The following EPB41L2 variants were observed in gnomAD, a reference collection of about 807,000 sequenced individuals.
EPB41L2 encodes the protein erythrocyte membrane protein band 4.1 like 2.
In EPB41L2, 43 loss-of-function variants were observed where a neutral mutation model predicts 113.0. The observed-to-expected ratio is 0.38, with a 90% confidence interval of 0.30 to 0.49. EPB41L2 has a LOEUF of 0.49. Ranked by LOEUF, EPB41L2 falls within the 20% of genes least tolerant of loss-of-function variation. The probability of loss-of-function intolerance (pLI) is 0.95; values close to 1 mark genes in which losing one functional copy is unlikely to be tolerated. For missense variants in EPB41L2, 1,147 were observed against 1,223.4 expected, an observed-to-expected ratio of 0.94 and a Z score of 0.93; for synonymous variants, 442 against 436.7, an observed-to-expected ratio of 1.01 and a Z score of -0.15.
At chr6:130,952,990 T>C (rs1458752784) in intron 3 of EPB41L2, among the ~76,000 whole-genome samples, 1 of 150,006 alleles carries the variant, frequency 6.7e-6, no homozygotes, top group African/African-American at 2.5e-5. Flanking sequence ...GTCAGTCTTG[T>C]GGTTTAGTGA....
At position 130,904,125 on chromosome 6, in the gene EPB41L2, CAT is replaced by C. The variant is rs529212438; in HGVS notation, c.929+338_929+339del. On this transcript the variant is annotated intron_variant, in intron 6 of 19. Coordinates refer to ENST00000337057, the MANE Select transcript of EPB41L2 (RefSeq NM_001431.4). ...AATATGAGACTAGTATATAAGCACA[CAT>C]GAGTTATATACAATAAAAATGACCT... Among the ~76,000 whole-genome samples, 54 of 152,228 alleles carry C rather than the reference CAT, an allele frequency of 3.5e-4. No individual in the cohort carries two copies. In the East Asian group the frequency reaches 7.9e-3, roughly 22 times the overall value.
intron 1 of EPB41L2, among the ~76,000 whole-genome samples, chr6:131,052,778 G>C (rs1450715103): frequency 6.6e-6 from 1 of 152,104 alleles, no homozygotes; most frequent in Non-Finnish European, 1.5e-5. Flanking sequence ...CAAGAAACAG[G>C]AGTAAGCAGA....
intron 11 of EPB41L2, among the ~76,000 whole-genome samples, chr6:130,886,556 C>T (rs764682287): frequency 2.0e-5 from 3 of 152,090 alleles, no homozygotes; most frequent in Admixed American, 6.6e-5. Context: ...ATGCCCATAT[C>T]AAATCATAGT....
At chr6:130,872,627 A>C (rs1786127709) in intron 14 of EPB41L2, 2 of 861,886 alleles carry the variant, frequency 2.3e-6, no homozygotes, top group Non-Finnish European at 3.1e-6. Flanking sequence ...AAGGTTACAC[A>C]AGAAAGAACA....
intron 3 of EPB41L2, among the ~76,000 whole-genome samples, chr6:130,940,316 T>A (rs913769546): frequency 8.5e-5 from 13 of 152,204 alleles, no homozygotes; most frequent in African/African-American, 2.9e-4. Flanking sequence ...ACATTTTTTT[T>A]ATGTCATCCT....
chr6:130,899,604 T>C (rs1024444639), intron 7 of EPB41L2, 26 bp from the exon 8 acceptor site: 9 of 1,590,410 alleles, frequency 5.7e-6, no homozygotes, highest in Non-Finnish European at 7.8e-6. Context: ...AACAGTATTA[T>C]CTTATTAATG....
At chr6:130,859,155 C>T (rs1017088555) in intron 18 of EPB41L2, among the ~76,000 whole-genome samples, 1 of 152,134 alleles carries the variant, frequency 6.6e-6, no homozygotes, top group East Asian at 1.9e-4. Context: ...AATAGCTTTC[C>T]TAATTATTAC....
intron 1 of EPB41L2, among the ~76,000 whole-genome samples, chr6:131,048,476 T>C (rs535950423): frequency 6.6e-6 from 1 of 152,240 alleles, no homozygotes; most frequent in Non-Finnish European, 1.5e-5. Flanking sequence ...AAATGATCTA[T>C]TTTCTGTTAT....
chr6:131,050,454 T>C (rs1052338411), intron 1 of EPB41L2, among the ~76,000 whole-genome samples: 3 of 152,218 alleles, frequency 2.0e-5, no homozygotes, highest in Non-Finnish European at 4.4e-5. Flanking sequence ...TTTGAATGTC[T>C]AAATCTCTAA....
At chr6:131,031,386 A>G (rs903191736) in intron 1 of EPB41L2, among the ~76,000 whole-genome samples, 1 of 152,196 alleles carries the variant, frequency 6.6e-6, no homozygotes, top group Non-Finnish European at 1.5e-5. Flanking sequence ...AGAGTACCAA[A>G]AAAGGCTCCA....
intron 9 of EPB41L2, among the ~76,000 whole-genome samples, chr6:130,894,665 A>G (rs1000487815): frequency 3.9e-5 from 6 of 152,194 alleles, no homozygotes; most frequent in African/African-American, 9.6e-5. Flanking sequence ...CTATCCTTCA[A>G]TGTTCACTAA....
chr6:131,007,072 C>G (rs1017416638), intron 1 of EPB41L2, among the ~76,000 whole-genome samples: 3 of 152,310 alleles, frequency 2.0e-5, no homozygotes, highest in Admixed American at 2.0e-4. Context: ...AAAATAGCCA[C>G]AGTAACTTTT....
chr6:131,013,286 G>A (rs1048059259), intron 1 of EPB41L2, among the ~76,000 whole-genome samples: 2 of 151,794 alleles, frequency 1.3e-5, no homozygotes, highest in Non-Finnish European at 2.9e-5. Context: ...TAAAATACAT[G>A]CCTAAGATGC....
rs375293099 is a variant in EPB41L2, at chr6:130,845,240, T to C, written c.*6-4642A>G. On this transcript the variant is annotated intron_variant, in intron 19 of 19. Coordinates refer to ENST00000337057, the MANE Select transcript of EPB41L2 (RefSeq NM_001431.4). Reference sequence around the variant, plus strand: ...ACCATAGAGTCAAAACTGTTTTCATTATCATACTAAGACATTATGTCCTTT... The same window carrying C: ...ACCATAGAGTCAAAACTGTTTTCATCATCATACTAAGACATTATGTCCTTT... Among the ~76,000 whole-genome samples the C allele has an allele frequency of 1.1e-4, 17 of 152,364 alleles. No homozygotes were observed. The East Asian group carries it at 2.3e-3, about 21-fold the overall frequency.
chr6:130,910,728 C>T (rs937946179), intron 4 of EPB41L2, among the ~76,000 whole-genome samples: 1 of 152,196 alleles, frequency 6.6e-6, no homozygotes, highest in Non-Finnish European at 1.5e-5. Context: ...TGAATAGACA[C>T]TTCTCAAAAG....
chr6:130,894,827 A>G (rs902987895), intron 9 of EPB41L2, 140 bp downstream of exon 9: 68 of 982,996 alleles, frequency 6.9e-5, no homozygotes, highest in Non-Finnish European at 9.3e-5. Context: ...CAATTTTACC[A>G]TTAAGAACCC....
At chr6:130,914,290 A>G (rs970592577) in intron 4 of EPB41L2, among the ~76,000 whole-genome samples, 9 of 152,242 alleles carry the variant, frequency 5.9e-5, no homozygotes, top group African/African-American at 2.2e-4. Flanking sequence ...TTTGGTATAT[A>G]TATCTTCTTC....
chr6:131,000,103 T>C (rs17179123), intron 1 of EPB41L2, among the ~76,000 whole-genome samples: 42,816 of 151,938 alleles, frequency 0.28, 7,131 homozygotes, highest in Non-Finnish European at 0.38. Flanking sequence ...CTGTTGACCT[T>C]CCAATTTCCT....
At chr6:130,873,905 AAAGCTT>A (rs1786601894) in intron 14 of EPB41L2, among the ~76,000 whole-genome samples, 1 of 152,154 alleles carries the variant, frequency 6.6e-6, no homozygotes, top group Admixed American at 6.5e-5. Context: ...AGCAGAGGAA[AAAGCTT>A]TTGGACTGAC....
Sources: gnomAD v4.1 joint callset for allele counts (sites outside exome capture counted in the v4.1 genomes callset) on GRCh38, gnomAD v4.1.1 for gene constraint, MANE v1.5 for transcripts, NCBI Gene and HGNC (gene_info 2026-07-23, HGNC 2026-07-21) for gene names.